TRARG1: variants seen among roughly 807,000 people sequenced by gnomAD.
TRARG1 encodes trafficking regulator of GLUT4 (SLC2A4) 1 (gene/pseudogene).
TRARG1 carries 16 observed loss-of-function variants against 13.3 expected under a neutral mutation model. The ratio of observed to expected loss-of-function variants is 1.20; its 90% CI spans 0.81 to 1.83. TRARG1 has a LOEUF of 1.83. Ranked by LOEUF, TRARG1 falls within the 40% of genes most tolerant of loss-of-function variation. The probability of loss-of-function intolerance (pLI) is 0.00; values close to 1 mark genes in which losing one functional copy is unlikely to be tolerated. For missense variants in TRARG1, 250 were observed against 237.4 expected, an observed-to-expected ratio of 1.05 and a Z score of -0.35; for synonymous variants, 113 against 106.2, an observed-to-expected ratio of 1.06 and a Z score of -0.39.
intron 2 of TRARG1, among the ~76,000 whole-genome samples, chr17:1,296,991 A>G (rs547621383): frequency 6.6e-6 from 1 of 152,160 alleles, no homozygotes; most frequent in Non-Finnish European, 1.5e-5. Flanking sequence ...CAAGAAACCC[A>G]TGCAGCTTGG....
chr17:1,297,428 C>G (rs576691428), intron 2 of TRARG1, among the ~76,000 whole-genome samples: 1 of 152,010 alleles, frequency 6.6e-6, no homozygotes, highest in Admixed American at 6.6e-5. Flanking sequence ...CACACTTTCT[C>G]ACTGTGTGAA....
At chr17:1,281,161 C>A (rs1488992006) in intron 1 of TRARG1, among the ~76,000 whole-genome samples, 1 of 152,342 alleles carries the variant, frequency 6.6e-6, no homozygotes, top group South Asian at 2.1e-4. Context: ...TTGTCTCCAA[C>A]CCAAGCCCTT....
At chr17:1,295,717 T>C (rs1598195631) in intron 2 of TRARG1, 94 bp downstream of exon 2, 8 of 1,445,050 alleles carry the variant, frequency 5.5e-6, no homozygotes, top group Non-Finnish European at 7.3e-6. Flanking sequence ...AGGTGGTGGG[T>C]TGGGGGAAGG....
chr17:1,291,843 G>A (rs950466752), intron 1 of TRARG1, among the ~76,000 whole-genome samples: 3 of 152,190 alleles, frequency 2.0e-5, no homozygotes, highest in African/African-American at 7.2e-5. Context: ...GCCCTGTGGA[G>A]GTTGATACTC....
chr17:1,290,441 A>C (rs1441594146), intron 1 of TRARG1, among the ~76,000 whole-genome samples: 1 of 152,148 alleles, frequency 6.6e-6, no homozygotes, highest in Non-Finnish European at 1.5e-5. Context: ...AGCTACAGAC[A>C]CATGCCACCA....
chr17:1,280,793 G>A (rs1488275232), intron 1 of TRARG1, among the ~76,000 whole-genome samples: 1 of 152,160 alleles, frequency 6.6e-6, no homozygotes, highest in East Asian at 1.9e-4. Context: ...CCGGACGGGG[G>A]TCCCAGCGCC....
chr17:1,298,135 C>T (rs927205121), intron 2 of TRARG1, 116 bp from the exon 3 acceptor site: 5 of 1,283,938 alleles, frequency 3.9e-6, no homozygotes, highest in African/African-American at 2.9e-5. Flanking sequence ...AGCCTTCTCC[C>T]CTTATCCCTA....
chr17:1,296,678 ATT>A (rs1220288966), intron 2 of TRARG1, among the ~76,000 whole-genome samples: 1 of 151,718 alleles, frequency 6.6e-6, no homozygotes, highest in Non-Finnish European at 1.5e-5. Flanking sequence ...CACCCAGCTG[ATT>A]TTGTATTTTT....
chr17:1,293,352 C>T (rs1475156462), intron 1 of TRARG1, among the ~76,000 whole-genome samples: 3 of 151,220 alleles, frequency 2.0e-5, no homozygotes, highest in East Asian at 1.9e-4. Flanking sequence ...GGAGCCGTCA[C>T]GGAGAGGGAG....
At position 1,298,332 on chromosome 17, in the gene TRARG1, G is replaced by A. The variant is rs143340878; in HGVS notation, c.*68G>A. On this transcript the variant is annotated 3_prime_UTR_variant, in exon 3 of 3. Transcript: ENST00000333813. ...TCGGGAGAGCTCTGACCTGCACACC[G>A]CGGGAGGCCAGGGTGCTGACTGTCA... is the stretch of plus-strand genomic sequence containing the variant. 11 of 1,574,098 alleles carry A rather than the reference G, an allele frequency of 7.0e-6. No individual in the cohort carries two copies. Among genetic ancestry groups the A allele is most frequent in the African/African-American group, 4.1e-5 (3 of 73,936 alleles).
intron 1 of TRARG1, among the ~76,000 whole-genome samples, chr17:1,281,995 TAC>T (rs1416818937): frequency 4.0e-5 from 6 of 151,514 alleles, no homozygotes; most frequent in South Asian, 4.2e-4. Flanking sequence ...TGTACATATA[TAC>T]AGATATACAC....
chr17:1,281,148 A>T (rs2071970114), intron 1 of TRARG1, among the ~76,000 whole-genome samples: 1 of 152,192 alleles, frequency 6.6e-6, no homozygotes, highest in Non-Finnish European at 1.5e-5. Flanking sequence ...GAATTGTCTT[A>T]GATTGTCTCC....
intron 1 of TRARG1, among the ~76,000 whole-genome samples, chr17:1,282,200 GT>G (rs2071982919): frequency 7.0e-6 from 1 of 142,816 alleles, no homozygotes; most frequent in Non-Finnish European, 1.5e-5. Flanking sequence ...ACGTGTACAC[GT>G]GCGTATATGT....
intron 1 of TRARG1, 27 bp from the exon 2 acceptor site, chr17:1,295,464 C>T (rs202149618): frequency 1.1e-5 from 17 of 1,565,986 alleles, no homozygotes; most frequent in Middle Eastern, 3.4e-4. Context: ...TCCCGGTTCC[C>T]GGGGTCTCTC....
intron 1 of TRARG1, among the ~76,000 whole-genome samples, chr17:1,282,220 AC>A (rs1191165137): frequency 1.1e-5 from 1 of 91,804 alleles, no homozygotes; most frequent in Non-Finnish European, 2.2e-5. Context: ...GTACGTATAC[AC>A]GTGCGTATAT....
chr17:1,284,130 G>GAAAGAAAGAAAGA (rs146077058), intron 1 of TRARG1, among the ~76,000 whole-genome samples: 2 of 150,588 alleles, frequency 1.3e-5, no homozygotes, highest in Non-Finnish European at 2.9e-5. Flanking sequence ...AAAAAAGAAA[G>GAAAGAAAGAAAGA]AAAGAAAGAA....
chr17:1,281,230 C>T (rs1465953621), intron 1 of TRARG1, among the ~76,000 whole-genome samples: 1 of 152,186 alleles, frequency 6.6e-6, no homozygotes, highest in Non-Finnish European at 1.5e-5. Flanking sequence ...TGGCAAGTGA[C>T]TTTTGAAGTC....
chr17:1,290,824 G>A (rs1439531389), intron 1 of TRARG1, among the ~76,000 whole-genome samples: 3 of 151,984 alleles, frequency 2.0e-5, no homozygotes, highest in Non-Finnish European at 4.4e-5. Context: ...GGGACCCGGT[G>A]GAGGTCATTG....
intron 1 of TRARG1, among the ~76,000 whole-genome samples, chr17:1,292,774 C>T (rs1227224499): frequency 6.6e-6 from 1 of 152,166 alleles, no homozygotes; most frequent in Non-Finnish European, 1.5e-5. Context: ...AGTGCCTCTC[C>T]TTTGTCATGC....
Sources: allele counts gnomAD v4.1 joint callset (sites outside exome capture counted in the v4.1 genomes callset), GRCh38; gene constraint gnomAD v4.1.1; transcripts MANE v1.5; gene names NCBI Gene and HGNC (gene_info 2026-07-23, HGNC 2026-07-21).